The following ACADL variants were observed in gnomAD, a reference collection of about 807,000 sequenced individuals.
ACADL encodes the protein acyl-CoA dehydrogenase long chain.
ACADL carries 60 observed loss-of-function variants against 56.9 expected under a neutral mutation model. The observed-to-expected ratio is 1.05, with a 90% CI of 0.86 to 1.31. ACADL has a LOEUF of 1.31. Ranked by LOEUF, ACADL falls within the 50% of genes most tolerant of loss-of-function variation. ACADL has a pLI of 0.00. For missense variants in ACADL, 484 were observed against 525.5 expected (o/e 0.92, Z 0.77); for synonymous variants, 158 against 179.7 (o/e 0.88, Z 0.97).
rs185222487 is a variant in ACADL at position 210,196,045 on chromosome 2, G to A, written c.985-707C>T. On this transcript the variant is annotated intron_variant, in intron 8 of 10. Transcript: ENST00000233710. ...AATCCCCACATGTTGTGGGAGGGACGTGGTGGGAGATAATTGAATCATGGG... is the reference window on the plus strand; with the variant it reads ...AATCCCCACATGTTGTGGGAGGGACATGGTGGGAGATAATTGAATCATGGG... Among the ~76,000 whole-genome samples, 141 of 152,194 alleles carry A rather than the reference G, an allele frequency of 9.3e-4. 1 individual carries two copies. The Middle Eastern group carries it at 0.01, about 11-fold the overall frequency.
chr2:210,221,727 CTTT>C (rs35816930), intron 1 of ACADL, among the ~76,000 whole-genome samples: 5 of 140,190 alleles, frequency 3.6e-5, no homozygotes, highest in Admixed American at 7.2e-5. Context: ...TGTTTCTTTC[CTTT>C]TTTTTTTTTT....
intron 8 of ACADL, among the ~76,000 whole-genome samples, chr2:210,196,100 TAGTG>T (rs1344587733): frequency 3.3e-5 from 5 of 152,052 alleles, no homozygotes; most frequent in East Asian, 3.9e-4. Flanking sequence ...GTTCTTGTGA[TAGTG>T]AGTAAGTCTC....
chr2:210,217,589 C>T, intron 3 of ACADL: 1 of 162,338 alleles, frequency 6.2e-6, no homozygotes, highest in Non-Finnish European at 1.3e-5. Context: ...GCCCATTTTT[C>T]AACTGCAATC....
rs35516848 is a variant in ACADL, at chr2:210,195,068, AT to A, written c.1112+142del. 1.6e-3 allele frequency: 1,746 copies of A among 1,063,540 alleles called. 10 individuals carry two copies. The highest frequency in any genetic ancestry group is 0.014 in the East Asian group (541 of 38,376). 65.9% of individuals were successfully genotyped at this position (1,063,540 alleles called of 1,614,324 possible). A position where few individuals can be genotyped will look rare whatever the true frequency, so the allele number is the denominator to read the frequency against. On this transcript the variant is annotated intron_variant, in intron 9 of 10. Coordinates refer to ENST00000233710, the MANE Select transcript of ACADL (RefSeq NM_001608.4). ...CATATGCTTAATGGAACTTTTTAGCATTTTTTTTTAAAGTGGAGTCTCACTT... is the reference window on the plus strand; with the variant it reads ...CATATGCTTAATGGAACTTTTTAGCATTTTTTTTAAAGTGGAGTCTCACTT...
chr2:210,199,808 G>A (rs534903853), intron 8 of ACADL, among the ~76,000 whole-genome samples: 1 of 152,170 alleles, frequency 6.6e-6, no homozygotes, highest in Non-Finnish European at 1.5e-5. Context: ...ACAATAGTGA[G>A]ATCTCAGCTC....
intron 1 of ACADL, chr2:210,224,610 A>C (rs1559643654): frequency 2.0e-6 from 2 of 985,352 alleles, no homozygotes; most frequent in Non-Finnish European, 2.4e-6. Flanking sequence ...ATTTGTTGAT[A>C]TATCTAAAGC....
chr2:210,221,209 C>G (rs1689171204), intron 1 of ACADL, among the ~76,000 whole-genome samples: 1 of 152,108 alleles, frequency 6.6e-6, no homozygotes. Flanking sequence ...TGCAAAGCCT[C>G]CAAAATTAGT....
chr2:210,198,702 A>G (rs1167564953), intron 8 of ACADL, among the ~76,000 whole-genome samples: 1 of 152,120 alleles, frequency 6.6e-6, no homozygotes, highest in Non-Finnish European at 1.5e-5. Flanking sequence ...CTATACCTTA[A>G]TTTCCTTAAC....
In ACADL at chr2:210,222,679, A is replaced by G. The variant is rs562857827; in HGVS notation, c.78-1877T>C. 1.2e-4 allele frequency among the ~76,000 whole-genome samples: 18 copies of G among 152,296 alleles called. 1 individual carries two copies. In the South Asian group the frequency reaches 3.7e-3, roughly 32 times the overall value. The stretch of plus-strand genomic sequence containing the variant: ...ACTAGAGCAAAGGCTGTATGTCTGA[A>G]TGGTGTCTGATGTGTTCTAGAAAGA... On this transcript the variant is annotated intron_variant, in intron 1 of 10. Coordinates refer to ENST00000233710, the MANE Select transcript of ACADL (RefSeq NM_001608.4).
chr2:210,205,420 T>C (rs1483024537), intron 6 of ACADL, among the ~76,000 whole-genome samples: 1 of 152,184 alleles, frequency 6.6e-6, no homozygotes, highest in Non-Finnish European at 1.5e-5. Flanking sequence ...AAAACAGATA[T>C]TCAAAATACC....
At chr2:210,222,782 G>C (rs1461712706) in intron 1 of ACADL, among the ~76,000 whole-genome samples, 2 of 152,096 alleles carry the variant, frequency 1.3e-5, no homozygotes, top group Non-Finnish European at 2.9e-5. Context: ...AGATAACAGG[G>C]GACCAGGACA....
intron 4 of ACADL, among the ~76,000 whole-genome samples, chr2:210,212,180 AC>A (rs138462758): frequency 0.011 from 1,597 of 151,630 alleles, 32 homozygotes; most frequent in African/African-American, 0.034. Context: ...CTGAATAATG[AC>A]CCTAAAGATA....
At chr2:210,207,737 A>G (rs1450577343) in intron 5 of ACADL, among the ~76,000 whole-genome samples, 1 of 152,176 alleles carries the variant, frequency 6.6e-6, no homozygotes, top group Non-Finnish European at 1.5e-5. Flanking sequence ...ATAATGAAAA[A>G]TGGGCAAATA....
chr2:210,210,081 A>G, intron 5 of ACADL, 115 bp downstream of exon 5: 1 of 833,712 alleles, frequency 1.2e-6, no homozygotes, highest in Non-Finnish European at 2.1e-6. Flanking sequence ...ACTTAGATAA[A>G]TTCAATTCCT....
At chr2:210,212,408 G>A (rs1007084714) in intron 4 of ACADL, among the ~76,000 whole-genome samples, 1 of 152,084 alleles carries the variant, frequency 6.6e-6, no homozygotes, top group South Asian at 2.1e-4. Flanking sequence ...GCAGTGACGA[G>A]GCAACAAGGC....
chr2:210,210,478 A>G (rs1509570), intron 4 of ACADL, among the ~76,000 whole-genome samples: 129,617 of 152,236 alleles, frequency 0.85, 55,949 homozygotes, highest in East Asian at 1. Flanking sequence ...AAGATTTATT[A>G]TATAAATTAG....
At chr2:210,224,456 C>A (rs1041612211) in intron 1 of ACADL, 1 of 985,326 alleles carries the variant, frequency 1.0e-6, no homozygotes, top group Non-Finnish European at 1.2e-6. Flanking sequence ...ATAATGAATT[C>A]TCCATGCTTC....
chr2:210,221,873 C>T (rs765745513), intron 1 of ACADL, among the ~76,000 whole-genome samples: 2 of 151,840 alleles, frequency 1.3e-5, no homozygotes, highest in Non-Finnish European at 2.9e-5. Flanking sequence ...AGATTGCAGG[C>T]GCCTGCCACA....
chr2:210,214,732 A>G (rs918991808), intron 4 of ACADL, among the ~76,000 whole-genome samples: 1 of 152,208 alleles, frequency 6.6e-6, no homozygotes, highest in Non-Finnish European at 1.5e-5. Flanking sequence ...GGAACATGCT[A>G]ACCACAGAGC....
Sources: allele counts gnomAD v4.1 joint callset (sites outside exome capture counted in the v4.1 genomes callset), GRCh38; gene constraint gnomAD v4.1.1; transcripts MANE v1.5; gene names NCBI Gene and HGNC (gene_info 2026-07-23, HGNC 2026-07-21).